RBMS3: variants seen among roughly 807,000 people sequenced by gnomAD.
RBMS3 encodes RNA-binding motif, single-stranded-interacting protein 3.
Under a neutral mutation model 66.8 loss-of-function variants are expected in RBMS3, and 27 were observed. That is an observed-to-expected ratio of 0.40 (90% CI 0.30 to 0.56). The LOEUF (loss-of-function observed/expected upper bound fraction) is 0.56. RBMS3 is among the 20% of genes least tolerant of loss of function. RBMS3 has a pLI of 0.40. For missense variants in RBMS3, 513 were observed against 549.5 expected (o/e 0.93, Z 0.66); for synonymous variants, 188 against 183.0 (o/e 1.03, Z -0.22).
intron 6 of RBMS3, among the ~76,000 whole-genome samples, chr3:29,764,362 C>T (rs190419077): frequency 4.7e-5 from 7 of 149,388 alleles, no homozygotes; most frequent in Non-Finnish European, 1.0e-4. Flanking sequence ...GTTAGCTGCC[C>T]TTGCATTTTA....
chr3:29,900,576 C>T (rs991629501), intron 10 of RBMS3, among the ~76,000 whole-genome samples: 1 of 151,652 alleles, frequency 6.6e-6, no homozygotes, highest in African/African-American at 2.4e-5. Flanking sequence ...GCAACACACT[C>T]ATGAGGGTGT....
At chr3:29,469,031 A>C (rs563016973) in intron 2 of RBMS3, among the ~76,000 whole-genome samples, 2 of 152,152 alleles carry the variant, frequency 1.3e-5, no homozygotes, top group Non-Finnish European at 2.9e-5. Flanking sequence ...CTTTCTAAAA[A>C]TCAGACCACA....
intron 4 of RBMS3, among the ~76,000 whole-genome samples, chr3:29,658,599 G>A (rs1197389370): frequency 6.6e-6 from 1 of 152,168 alleles, no homozygotes; most frequent in East Asian, 1.9e-4. Flanking sequence ...AAATACTTGA[G>A]AAATTTCCGT....
Position 30,004,667 on chromosome 3 carries a change from A to G in RBMS3, c.*805A>G, listed in dbSNP as rs908101817. 6.6e-6 allele frequency: 1 copy of G among 152,238 alleles called. No homozygotes were observed. The highest frequency in any genetic ancestry group is 2.4e-5 in the African/African-American group (1 of 41,400). The allele number at this position is 152,238 out of a possible 1,614,324, so 9.4% of individuals were successfully genotyped here. Reference sequence around the variant, plus strand: ...TTAAGTGTTGACATGAATCATTCTAAAAGGCTAAAACATTTTACAGTAAAG... The same window carrying G: ...TTAAGTGTTGACATGAATCATTCTAGAAGGCTAAAACATTTTACAGTAAAG... On this transcript the variant is annotated 3_prime_UTR_variant, in exon 15 of 15. Transcript: ENST00000383767.
intron 1 of RBMS3, among the ~76,000 whole-genome samples, chr3:29,303,301 T>G (rs1365371984): frequency 6.6e-6 from 1 of 152,062 alleles, no homozygotes; most frequent in African/African-American, 2.4e-5. Context: ...GTAATTGAAA[T>G]AATTCAAAGG....
At chr3:29,323,891 T>A (rs2035162515) in intron 1 of RBMS3, among the ~76,000 whole-genome samples, 1 of 152,078 alleles carries the variant, frequency 6.6e-6, no homozygotes, top group East Asian at 1.9e-4. Context: ...TAGGGATTTT[T>A]GGAAAACACT....
At chr3:29,308,586 G>A (rs929566920) in intron 1 of RBMS3, among the ~76,000 whole-genome samples, 1 of 151,580 alleles carries the variant, frequency 6.6e-6, no homozygotes, top group Non-Finnish European at 1.5e-5. Context: ...ATGTAAGTCC[G>A]AAATATTGGT....
intron 6 of RBMS3, chr3:29,766,003 T>G (rs1216561440): frequency 6.6e-6 from 1 of 152,034 alleles, no homozygotes; most frequent in Non-Finnish European, 1.5e-5. Flanking sequence ...GCACCCATGA[T>G]TCAATTATCT....
intron 1 of RBMS3, among the ~76,000 whole-genome samples, chr3:29,316,684 C>G (rs1190752777): frequency 6.6e-6 from 1 of 151,328 alleles, no homozygotes; most frequent in Non-Finnish European, 1.5e-5. Flanking sequence ...AACAGTTGTC[C>G]AGGCTCCGGG....
rs1161229305 is a variant in RBMS3 at position 29,896,226 on chromosome 3, T to TA, written c.792-1152dup. 2.6e-5 allele frequency among the ~76,000 whole-genome samples: 4 copies of TA among 151,578 alleles called. No individual in the cohort carries two copies. The East Asian group carries it at 7.8e-4, about 30-fold the overall frequency. ...CTTGAATCCTGACAACCTTGAATTC[T>TA]AGTCCTCCCATATTTAATGGGAGTC... On this transcript the variant is annotated intron_variant, in intron 8 of 14. Transcript: ENST00000383767.
chr3:29,334,076 T>A (rs2035814959), intron 1 of RBMS3, among the ~76,000 whole-genome samples: 1 of 148,774 alleles, frequency 6.7e-6, no homozygotes. Context: ...AGAGTTGATG[T>A]GAGAGTGAAA....
At chr3:29,880,373 GACATTT>G (rs1403220920) in intron 7 of RBMS3, among the ~76,000 whole-genome samples, 4 of 152,088 alleles carry the variant, frequency 2.6e-5, no homozygotes, top group African/African-American at 9.7e-5. Context: ...TACATGGTGT[GACATTT>G]TCATTTTGTT....
chr3:29,521,911 C>A (rs2044875988), intron 3 of RBMS3, among the ~76,000 whole-genome samples: 1 of 152,164 alleles, frequency 6.6e-6, no homozygotes, highest in African/African-American at 2.4e-5. Flanking sequence ...TAAAAGATAG[C>A]TACTGTTGAC....
chr3:29,941,628 G>A (rs1449291), intron 11 of RBMS3, among the ~76,000 whole-genome samples: 125,781 of 151,712 alleles, frequency 0.83, 53,005 homozygotes, highest in East Asian at 0.95. Flanking sequence ...GTACGAGTGT[G>A]TATTTGTAAA....
chr3:29,777,443 CTCTCTTAATGCGTTTTATTAG>C (rs1400776605), intron 6 of RBMS3, among the ~76,000 whole-genome samples: 5 of 152,014 alleles, frequency 3.3e-5, no homozygotes, highest in Non-Finnish European at 5.9e-5. Context: ...TGCCTTAATT[CTCTCTTAATGCGTTTTATTAG>C]TAAATGCTTA....
At chr3:29,853,423 CTTT>C (rs71091081) in intron 6 of RBMS3, among the ~76,000 whole-genome samples, 16 of 84,520 alleles carry the variant, frequency 1.9e-4, no homozygotes, top group South Asian at 1.0e-3. Context: ...AATTTACTTT[CTTT>C]TTTTTTTTTT....
Position 29,434,723 on chromosome 3 carries a change from A to G in RBMS3, c.76-20A>G. ...GGTGCTGGCTTTTGTTTTTCCAGTA[A>G]CAGCTTTTTCTGTTTCCAGCAGTCC... On this transcript the variant is annotated intron_variant, in intron 1 of 14. Coordinates refer to ENST00000383767, the MANE Select transcript of RBMS3 (RefSeq NM_001003793.3). 1 of 1,601,430 alleles carries G rather than the reference A, an allele frequency of 6.2e-7. No individual in the cohort carries two copies. Among genetic ancestry groups the G allele is most frequent in the East Asian group, 2.2e-5 (1 of 44,710 alleles).
chr3:29,806,291 G>A (rs373854121), intron 6 of RBMS3, among the ~76,000 whole-genome samples: 2 of 151,908 alleles, frequency 1.3e-5, no homozygotes, highest in Non-Finnish European at 2.9e-5. Flanking sequence ...ATGTCACTGT[G>A]CAAGTATTTC....
At chr3:29,567,760 G>A (rs1027820892) in intron 3 of RBMS3, among the ~76,000 whole-genome samples, 1 of 151,990 alleles carries the variant, frequency 6.6e-6, no homozygotes, top group African/African-American at 2.4e-5. Context: ...TGCAATTTTT[G>A]GTGTTCTCAA....
Sources: gnomAD v4.1 joint callset for allele counts (sites outside exome capture counted in the v4.1 genomes callset) on GRCh38, gnomAD v4.1.1 for gene constraint, MANE v1.5 for transcripts, NCBI Gene and HGNC (gene_info 2026-07-23, HGNC 2026-07-21) for gene names.